CROCC2: variants seen among roughly 807,000 people sequenced by gnomAD.
The protein encoded by CROCC2 is ciliary rootlet coiled-coil protein 2.
Under a neutral mutation model 177.6 loss-of-function variants are expected in CROCC2, and 163 were observed. The observed-to-expected ratio is 0.92, with a 90% CI of 0.81 to 1.05. CROCC2 has a LOEUF of 1.05. Ranked by LOEUF, CROCC2 falls within the 50% of genes least tolerant of loss-of-function variation. The pLI is 0.00. For missense variants in CROCC2, 1,929 were observed against 1,797.8 expected (o/e 1.07, Z -1.32); for synonymous variants, 904 against 787.3 (o/e 1.15, Z -2.48).
chr2:240,945,160 T>G (rs1559599663), intron 14 of CROCC2, among the ~76,000 whole-genome samples: 1 of 152,210 alleles, frequency 6.6e-6, no homozygotes, highest in Non-Finnish European at 1.5e-5. Context: ...GGTCTTGAAC[T>G]CCTGACCTCA....
chr2:240,987,828 G>A (rs60129935), intron 28 of CROCC2, among the ~76,000 whole-genome samples: 2,469 of 152,374 alleles, frequency 0.016, 73 homozygotes, highest in African/African-American at 0.056. Context: ...GAGGCAGCCT[G>A]GTTGGGAGAG....
chr2:240,954,043 A>AGAT (rs1371057016), intron 18 of CROCC2, among the ~76,000 whole-genome samples: 1 of 152,208 alleles, frequency 6.6e-6, no homozygotes, highest in Non-Finnish European at 1.5e-5. Context: ...CAGTAAGGGC[A>AGAT]GATTTATAAA....
At chr2:240,922,125 C>G (rs895730892) in intron 3 of CROCC2, among the ~76,000 whole-genome samples, 3 of 152,192 alleles carry the variant, frequency 2.0e-5, no homozygotes, top group Non-Finnish European at 4.4e-5. Flanking sequence ...AGCCCCTCCC[C>G]CTACACTGAC....
Position 240,989,705 on chromosome 2 carries a change from A to G in CROCC2, c.4735A>G (p.Thr1579Ala). ...CCACACCCAGCGGCTCCAGGACCTG[A>G]CAGCTCAGCACCAGCGGGACCTGGC... is the stretch of plus-strand genomic sequence containing the variant. ...QAHTQRLQDL[T>A]AQHQRDLATE... The change falls in exon 30 of 32, where the codon ACA (threonine) becomes GCA (alanine). Residue 1579 changes from threonine to alanine, a missense_variant. Coordinates refer to ENST00000690015, the MANE Select transcript of CROCC2 (RefSeq NM_001351305.2). 6.5e-7 allele frequency: 1 copy of G among 1,550,208 alleles called. No homozygotes were observed. The highest frequency in any genetic ancestry group is 8.7e-7 in the Non-Finnish European group (1 of 1,146,722).
At chr2:240,926,689 T>C (rs1472124313) in intron 5 of CROCC2, among the ~76,000 whole-genome samples, 2 of 152,254 alleles carry the variant, frequency 1.3e-5, no homozygotes, top group Non-Finnish European at 2.9e-5. Context: ...CAGACAAGCC[T>C]GTCCCAGAGG....
rs1298623370 is a variant in CROCC2 at position 240,949,375 on chromosome 2, T to C, written c.2483-158T>C. On this transcript the variant is annotated intron_variant, in intron 16 of 31. Coordinates refer to ENST00000690015, the MANE Select transcript of CROCC2 (RefSeq NM_001351305.2). The surrounding 1 kb of genome is among the most constrained non-coding windows in gnomAD (Gnocchi z 4.5). ...AGCCTCCAGCTGCAGCCCTGTACCC[T>C]TGACCCTGCTCAGCCCACCCTGCCA... Among the ~76,000 whole-genome samples, 1 of 152,128 alleles carries C rather than the reference T, an allele frequency of 6.6e-6. No individual in the cohort carries two copies. The highest frequency in any genetic ancestry group is 1.5e-5 in the Non-Finnish European group (1 of 67,984).
At position 240,964,623 on chromosome 2, in the gene CROCC2, C is replaced by T; in HGVS notation, c.3463C>T (p.Gln1155Ter). Residue 1155 changes from glutamine to a stop codon, truncating the protein, a stop_gained and splice_region_variant, in exon 22 of 32, where the codon CAG becomes TAG. Coordinates refer to ENST00000690015, the MANE Select transcript of CROCC2 (RefSeq NM_001351305.2). LOFTEE classifies it high-confidence loss of function. ...TCAGGAGCTCCGGGAACTCCACAGA[C>T]AGGTAGGGCGGCAGGGAGGGGTCAA... ...ARQELRELHR[Q>*]VRTLKAENQR... 1.9e-6 allele frequency: 3 copies of T among 1,548,474 alleles called. No individual in the cohort carries two copies. Among genetic ancestry groups the T allele is most frequent in the Non-Finnish European group, 1.7e-6 (2 of 1,146,068 alleles).
Position 240,960,717 on chromosome 2 carries a change from G to T in CROCC2, c.3087+1273G>T, listed in dbSNP as rs115378401. On this transcript the variant is annotated intron_variant, in intron 20 of 31. Coordinates refer to ENST00000690015, the MANE Select transcript of CROCC2 (RefSeq NM_001351305.2). This position sits in a 1 kb window ranked among gnomAD's most constrained non-coding sequence, Gnocchi z 5.0. ...GCCCCAGAGGCCGGGCCGGCCGGCA[G>T]GGGAGAGTGAGAAGAGGGGCTCAGC... Among the ~76,000 whole-genome samples the T allele has an allele frequency of 6.6e-6, 1 of 152,140 alleles. No individual in the cohort carries two copies. The highest frequency in any genetic ancestry group is 2.4e-5 in the African/African-American group (1 of 41,436).
chr2:240,965,655 A>G lies in CROCC2; in HGVS notation c.3623A>G (p.Lys1208Arg). ...CTACAGGTCCTGGGATTGCAGAGGA[A>G]GTTGGCAGAGGTGGAGGCCGCAGGG... ...ARKEVLGLQR[K>R]LAEVEAAGEA... is the part of the protein sequence containing the mutation. The change falls in exon 24 of 32, where the codon AAG becomes AGG. Residue 1208 changes from lysine to arginine, a missense_variant. By Grantham distance (26) the Lys-to-Arg change is conservative. Transcript: ENST00000690015. 4 of 1,550,628 alleles carry G rather than the reference A, an allele frequency of 2.6e-6. No homozygotes were observed. Among genetic ancestry groups the G allele is most frequent in the Non-Finnish European group, 3.5e-6 (4 of 1,146,984 alleles).
intron 27 of CROCC2, 145 bp downstream of exon 27, chr2:240,968,407 C>T (rs1201953673): frequency 2.7e-6 from 3 of 1,130,952 alleles, no homozygotes; most frequent in East Asian, 2.8e-5. Context: ...GGGCTGGAGC[C>T]AGCCCGGTGG....
intron 15 of CROCC2, among the ~76,000 whole-genome samples, chr2:240,947,156 A>G (rs1228222605): frequency 1.3e-5 from 2 of 152,280 alleles, no homozygotes; most frequent in Admixed American, 6.5e-5. Flanking sequence ...TCTGGGAGGC[A>G]TGAGAAACCT....
At chr2:240,930,661 C>G (rs2059423055) in intron 6 of CROCC2, among the ~76,000 whole-genome samples, 1 of 152,078 alleles carries the variant, frequency 6.6e-6, no homozygotes, top group African/African-American at 2.4e-5. Context: ...ACGTAGCAGC[C>G]CCTTGCGCAG....
In CROCC2 at chr2:240,920,089, C is replaced by T. The variant is rs1467197037; in HGVS notation, c.336C>T (p.Ala112=). Residue 112 remains alanine, a synonymous_variant, in exon 3 of 32, where the codon GCC becomes GCT. Coordinates refer to ENST00000690015, the MANE Select transcript of CROCC2 (RefSeq NM_001351305.2). The part of the protein sequence containing the change: ...RLGDLLAQAS[A]ERDELASRCR... ...GGGACCTGCTGGCCCAGGCCAGCGC[C>T]GAGCGAGATGAGCTGGCCAGCAGGT... is the stretch of plus-strand genomic sequence containing the variant. The T allele has an allele frequency of 4.2e-6, 3 of 711,376 alleles. No individual in the cohort carries two copies. Among genetic ancestry groups the T allele is most frequent in the Non-Finnish European group, 7.8e-6 (3 of 382,932 alleles). The allele number at this position is 711,376 out of a possible 1,614,324, so 44.1% of individuals were successfully genotyped here. A position where few individuals can be genotyped will look rare whatever the true frequency, so the allele number is the denominator to read the frequency against.
intron 29 of CROCC2, 54 bp from the exon 30 acceptor site, chr2:240,989,600 T>C: frequency 6.7e-7 from 1 of 1,483,344 alleles, no homozygotes; most frequent in Middle Eastern, 1.8e-4. Context: ...GCCCTGGGAT[T>C]CTGTGCGGCC....
rs529139769 is a variant in CROCC2 at position 240,963,706 on chromosome 2, G to A, written c.3238G>A (p.Asp1080Asn). Residue 1080 changes from aspartate to asparagine, a missense_variant, in exon 21 of 32, where the codon GAC becomes AAC. Physicochemically the swap from Asp to Asn is conservative, Grantham distance 23. This residue lies in a region of CROCC2 where 1,397 missense variants were observed against 1,239.9 expected (regional missense o/e 1.13). Transcript: ENST00000690015. ...GCTGAGTGACGAGGCCCGCGAGAAGGACGTACTGTTGCTTTTCAACAGCGA... is the reference window on the plus strand; with the variant it reads ...GCTGAGTGACGAGGCCCGCGAGAAGAACGTACTGTTGCTTTTCAACAGCGA... ...RALSDEAREK[D>N]VLLLFNSELR... The A allele has an allele frequency of 9.7e-6, 15 of 1,550,334 alleles. No individual in the cohort carries two copies. In the African/African-American group the frequency reaches 1.9e-4, roughly 20 times the overall value.
Position 240,962,960 on chromosome 2 carries a change from C to T in CROCC2, c.3088-596C>T, listed in dbSNP as rs371865541. On this transcript the variant is annotated intron_variant, in intron 20 of 31. Transcript: ENST00000690015. ...CAAGACCCTCCTCCCACTGCCCCCC[C>T]ATTGCCAGAGATCCTCCTCCCACTG... 2.0e-4 allele frequency among the ~76,000 whole-genome samples: 30 copies of T among 152,304 alleles called. 1 individual carries two copies. The South Asian group carries it at 5.6e-3, about 28-fold the overall frequency.
At position 240,934,471 on chromosome 2, in the gene CROCC2, C is replaced by A. The variant is rs978353581; in HGVS notation, c.1787C>A (p.Ala596Glu). The A allele has an allele frequency of 1.3e-6, 2 of 1,547,682 alleles. No individual in the cohort carries two copies. Among genetic ancestry groups the A allele is most frequent in the South Asian group, 1.2e-5 (1 of 83,900 alleles). The part of the protein sequence containing the change: ...SEREGLRSAL[A>E]RAECSNADLE... ...AGGGAGGGACTGCGCAGCGCCCTGG[C>A]GCGGGTACACTCTGCTCCCCACAAC... Residue 596 changes from alanine (A) to glutamate (E), a missense_variant, in exon 12 of 32, where the codon GCG becomes GAG. Ala to Glu is a moderately radical substitution (Grantham distance 107). Around this residue, in one of 3 missense-constraint regions of CROCC2, gnomAD observed 1,397 missense variants for 1,239.9 expected, o/e 1.13. Coordinates refer to ENST00000690015, the MANE Select transcript of CROCC2 (RefSeq NM_001351305.2).
At chr2:240,935,900 G>A (rs1268609288) in intron 14 of CROCC2, among the ~76,000 whole-genome samples, 1 of 152,198 alleles carries the variant, frequency 6.6e-6, no homozygotes, top group African/African-American at 2.4e-5. Flanking sequence ...CCTCTGTCTT[G>A]TTTCTCCCTG....
intron 5 of CROCC2, among the ~76,000 whole-genome samples, chr2:240,928,990 C>T (rs747854884): frequency 2.7e-5 from 4 of 148,684 alleles, no homozygotes; most frequent in African/African-American, 5.0e-5. Context: ...TTCAGAGAGT[C>T]GTGCCCTCCA....
Sources: gnomAD v4.1 joint callset for allele counts (sites outside exome capture counted in the v4.1 genomes callset) on GRCh38, gnomAD v4.1.1 for gene constraint, gnomAD v4.1.1 regional missense constraint, Gnocchi (gnomAD v3.1) non-coding constraint, MANE v1.5 for transcripts, NCBI Gene and HGNC (gene_info 2026-07-23, HGNC 2026-07-21) for gene names.